DMKN: variants seen among roughly 807,000 people sequenced by gnomAD.
DMKN encodes the protein epidermis-specific secreted protein SK30/SK89.
Under a neutral mutation model 67.6 loss-of-function variants are expected in DMKN, and 58 were observed. The ratio of observed to expected loss-of-function variants is 0.86; its 90% CI spans 0.69 to 1.07. The LOEUF (loss-of-function observed/expected upper bound fraction) is 1.07, where lower values mean the gene tolerates loss of function less well. Among genes scored for constraint, DMKN ranks in the 50% least tolerant of loss-of-function variants. The pLI is 0.00. For missense variants in DMKN, 596 were observed against 601.5 expected, an observed-to-expected ratio of 0.99 and a Z score of 0.10; for synonymous variants, 240 against 232.3, an observed-to-expected ratio of 1.03 and a Z score of -0.30.
rs999062660 is a variant in DMKN at position 35,509,785 on chromosome 19, G to T, written c.1038+126C>A. 6.1e-6 allele frequency: 7 copies of T among 1,147,598 alleles called. No homozygotes were observed. The East Asian group carries it at 1.7e-4, about 28-fold the overall frequency. The allele number at this position is 1,147,598 out of a possible 1,614,324, so 71.1% of individuals were successfully genotyped here. A position where few individuals can be genotyped will look rare whatever the true frequency, so the allele number is the denominator to read the frequency against. ...TTTAGGAGTGCATTTGGTTTCTTCTGCCGAAATAGTCAGTTCCCTGCAGAC... is the reference window on the plus strand; with the variant it reads ...TTTAGGAGTGCATTTGGTTTCTTCTTCCGAAATAGTCAGTTCCCTGCAGAC... On this transcript the variant is annotated intron_variant, in intron 7 of 15. Transcript: ENST00000339686.
chr19:35,500,318 A>C, intron 12 of DMKN: 20 of 1,533,194 alleles, frequency 1.3e-5, no homozygotes, highest in Non-Finnish European at 1.8e-5. Flanking sequence ...AGGTGAGGGT[A>C]GGAGACCAAG....
chr19:35,507,420 C>A, intron 7 of DMKN: 1 of 1,538,162 alleles, frequency 6.5e-7, no homozygotes, highest in South Asian at 1.2e-5. Context: ...TTCACCATCC[C>A]TTCTCCTAAA....
intron 7 of DMKN, chr19:35,506,751 C>T (rs535673658): frequency 6.1e-5 from 19 of 310,056 alleles, no homozygotes; most frequent in Non-Finnish European, 8.5e-5. Context: ...TCGTGGGTCA[C>T]GCCTGTAATC....
intron 9 of DMKN, among the ~76,000 whole-genome samples, chr19:35,504,382 G>A (rs551823226): frequency 3.9e-5 from 6 of 152,182 alleles, no homozygotes; most frequent in African/African-American, 1.4e-4. Flanking sequence ...TTCGAGACCA[G>A]CCTGGCCAAC....
intron 5 of DMKN, 136 bp downstream of exon 5, chr19:35,511,274 GC>G: frequency 6.8e-7 from 1 of 1,474,074 alleles, no homozygotes; most frequent in Non-Finnish European, 9.2e-7. Flanking sequence ...GGCTGAGGGA[GC>G]CTCAGGGTGA....
chr19:35,500,090 T>C, intron 12 of DMKN, 61 bp from the exon 13 acceptor site: 1 of 1,575,086 alleles, frequency 6.3e-7, no homozygotes, highest in Non-Finnish European at 8.7e-7. Context: ...TGCTCTGGAA[T>C]AAACATCCCA....
At chr19:35,512,912 G>A in intron 1 of DMKN, 122 bp from the exon 2 acceptor site, 1 of 1,503,152 alleles carries the variant, frequency 6.7e-7, no homozygotes, top group Non-Finnish European at 8.9e-7. Flanking sequence ...TGGCATAGGA[G>A]GGGGGCAGAA....
Position 35,513,213 on chromosome 19 carries a change from C to A in DMKN, c.263G>T (p.Gly88Val). 1 of 1,614,258 alleles carries A rather than the reference C, an allele frequency of 6.2e-7. No homozygotes were observed. Among genetic ancestry groups the A allele is most frequent in the South Asian group, 1.1e-5 (1 of 91,092 alleles). The part of the protein sequence containing the change: ...AVGTGVRQVP[G>V]FGVADALGNR... ...GCCCAAAGCATCTGCTACGCCAAAG[C>A]CTGGAACCTGCCTGACTCCAGTGCC... The change falls in exon 1 of 16, where the codon GGC becomes GTC. Residue 88 changes from glycine to valine, a missense_variant. Transcript: ENST00000339686.
At chr19:35,501,753 A>C (rs781452033) in intron 11 of DMKN, 1 of 1,454,238 alleles carries the variant, frequency 6.9e-7, no homozygotes, top group South Asian at 1.4e-5. Context: ...TGTCCTCCCC[A>C]TGCCGCAGCC....
intron 13 of DMKN, chr19:35,499,242 G>C (rs1201890597): frequency 2.8e-6 from 1 of 352,076 alleles, no homozygotes; most frequent in African/African-American, 2.1e-5. Context: ...CAGAGTGGAA[G>C]CCACAGGCAG....
At chr19:35,509,660 C>A (rs537289765) in intron 7 of DMKN, 2 of 474,052 alleles carry the variant, frequency 4.2e-6, no homozygotes, top group East Asian at 6.7e-5. Context: ...CTAAAAGGAC[C>A]GGTTTACATG....
At chr19:35,512,813 C>T (rs2071052030) in intron 1 of DMKN, 23 bp from the exon 2 acceptor site, 13 of 1,607,004 alleles carry the variant, frequency 8.1e-6, no homozygotes, top group Non-Finnish European at 9.3e-6. Flanking sequence ...CATACCTGCA[C>T]TTAGTGGGAC....
rs1295537933 is a variant in DMKN at position 35,513,570 on chromosome 19, C to G, written c.-95G>C. ...CTGCGTCTCTGTGCCCTCCTCTGTCCTCCTCCTTCCGACTCCCTGTCCTCC... is the reference window on the plus strand; with the variant it reads ...CTGCGTCTCTGTGCCCTCCTCTGTCGTCCTCCTTCCGACTCCCTGTCCTCC... On this transcript the variant is annotated 5_prime_UTR_variant, in exon 1 of 16. Transcript: ENST00000339686. 4 of 1,437,422 alleles carry G rather than the reference C, an allele frequency of 2.8e-6. No individual in the cohort carries two copies. The highest frequency in any genetic ancestry group is 3.7e-6 in the Non-Finnish European group (4 of 1,088,444). The allele number at this position is 1,437,422 out of a possible 1,614,324, so 89.0% of individuals were successfully genotyped here.
At chr19:35,501,731 T>A in intron 11 of DMKN, 1 of 1,344,622 alleles carries the variant, frequency 7.4e-7, no homozygotes, top group Middle Eastern at 2.0e-4. Context: ...CGCCCTCCCG[T>A]TCCACCTCAG....
chr19:35,508,039 T>C, intron 7 of DMKN: 1 of 843,934 alleles, frequency 1.2e-6, no homozygotes, highest in Non-Finnish European at 1.8e-6. Context: ...CTTTATCTGC[T>C]GTGAAACATG....
intron 11 of DMKN, among the ~76,000 whole-genome samples, chr19:35,500,931 C>T (rs1280594886): frequency 6.6e-6 from 1 of 152,228 alleles, no homozygotes; most frequent in Non-Finnish European, 1.5e-5. Flanking sequence ...GCACCAAGTC[C>T]TGCTGCTATG....
At position 35,501,889 on chromosome 19, in the gene DMKN, C is replaced by T. The variant is rs370234813; in HGVS notation, c.1239+247G>A. ...GCAGGAGCAGAGCAGAGGCAGTGGCCGGCTTCATGTTCATGTGCTTGTGGA... is the reference window on the plus strand; with the variant it reads ...GCAGGAGCAGAGCAGAGGCAGTGGCTGGCTTCATGTTCATGTGCTTGTGGA... On this transcript the variant is annotated intron_variant, in intron 11 of 15. Coordinates refer to ENST00000339686, the MANE Select transcript of DMKN (RefSeq NM_033317.5). 52 of 1,581,230 alleles carry T rather than the reference C, an allele frequency of 3.3e-5. 1 individual carries two copies. In the African/African-American group the frequency reaches 3.9e-4, roughly 12 times the overall value.
In DMKN at chr19:35,509,950, T is replaced by C. The variant is rs1249602191; in HGVS notation, c.999A>G (p.Pro333=). Residue 333 remains proline (P), a synonymous_variant, in exon 7 of 16, where the codon CCA becomes CCG. Transcript: ENST00000339686. ...CCCCGCTCCCGCGGGCTTCATTCCC[T>C]GGCTTTTCACACTGCCGGGGAGAGA... is the stretch of plus-strand genomic sequence containing the variant. ...GNGHKPGCEK[P]GNEARGSGES... is the part of the protein sequence containing the mutation. The C allele has an allele frequency of 3.7e-6, 6 of 1,614,056 alleles. No individual in the cohort carries two copies. Among genetic ancestry groups the C allele is most frequent in the South Asian group, 3.3e-5 (3 of 91,088 alleles).
At chr19:35,498,327 G>A (rs1471497355) in intron 15 of DMKN, 2 of 205,002 alleles carry the variant, frequency 9.8e-6, no homozygotes, top group Non-Finnish European at 2.0e-5. Flanking sequence ...AGTAGACGGG[G>A]TTTTGCCATG....
Sources: allele counts gnomAD v4.1 joint callset (sites outside exome capture counted in the v4.1 genomes callset), GRCh38; gene constraint gnomAD v4.1.1; transcripts MANE v1.5; gene names NCBI Gene and HGNC (gene_info 2026-07-23, HGNC 2026-07-21).